Variants in CNTNAP4 observed in about 807,000 individuals in gnomAD.
The protein encoded by CNTNAP4 is contactin-associated protein-like 4.
CNTNAP4 carries 98 observed loss-of-function variants against 148.4 expected under a neutral mutation model. The ratio of observed to expected loss-of-function variants is 0.66; its 90% CI spans 0.56 to 0.78. The LOEUF (loss-of-function observed/expected upper bound fraction) is 0.78, where lower values mean the gene tolerates loss of function less well. Ranked by LOEUF, CNTNAP4 falls within the 30% of genes least tolerant of loss-of-function variation. CNTNAP4 has a pLI of 0.00. For missense variants in CNTNAP4, 1,935 were observed against 1,565.6 expected (o/e 1.24, Z -3.98); for synonymous variants, 730 against 565.1 (o/e 1.29, Z -4.14).
intron 1 of CNTNAP4, chr16:76,287,587 C>A (rs1958939576): frequency 6.6e-6 from 1 of 152,156 alleles, no homozygotes; most frequent in South Asian, 2.1e-4. Flanking sequence ...TCTGAGTTAG[C>A]AAAATCGAGC....
chr16:76,387,069 G>T (rs983976966), intron 3 of CNTNAP4, among the ~76,000 whole-genome samples: 2 of 152,112 alleles, frequency 1.3e-5, no homozygotes, highest in Non-Finnish European at 2.9e-5. Context: ...CATGCATCCT[G>T]CTGACATCTT....
intron 1 of CNTNAP4, among the ~76,000 whole-genome samples, chr16:76,304,555 G>T (rs933615094): frequency 2.0e-5 from 3 of 152,206 alleles, no homozygotes; most frequent in African/African-American, 7.2e-5. Context: ...GTGCATTGAA[G>T]GGAGGATTGG....
At chr16:76,403,601 G>A (rs952208294) in intron 3 of CNTNAP4, among the ~76,000 whole-genome samples, 2 of 152,168 alleles carry the variant, frequency 1.3e-5, no homozygotes. Context: ...GTTGGTAGGA[G>A]TCTAAATTAA....
At chr16:76,376,207 A>G (rs765038758) in intron 3 of CNTNAP4, among the ~76,000 whole-genome samples, 1 of 152,226 alleles carries the variant, frequency 6.6e-6, no homozygotes, top group African/African-American at 2.4e-5. Flanking sequence ...AATACAACTC[A>G]TGCAAAATTA....
chr16:76,343,838 G>T (rs1964689907), intron 2 of CNTNAP4, among the ~76,000 whole-genome samples: 1 of 152,048 alleles, frequency 6.6e-6, no homozygotes. Context: ...CCCGGCAAAA[G>T]TAATGGTAAT....
chr16:76,506,722 C>T lies in CNTNAP4; in HGVS notation c.2365+8028C>T, dbSNP rs192498677. The stretch of plus-strand genomic sequence containing the variant: ...CAGACCTCAAATGATCTGCCCACCT[C>T]GGCCTCCCACAGTGCTAGGACTACA... On this transcript the variant is annotated intron_variant, in intron 15 of 23. Coordinates refer to ENST00000611870, the MANE Select transcript of CNTNAP4 (RefSeq NM_033401.5). Among the ~76,000 whole-genome samples the T allele has an allele frequency of 9.8e-3, 920 of 94,188 alleles. 347 individuals are homozygous for T. The highest frequency in any genetic ancestry group is 0.023 in the Non-Finnish European group (756 of 33,194). The allele number at this position is 94,188 out of a possible 152,430, so 61.8% of individuals were successfully genotyped here. A position where few individuals can be genotyped will look rare whatever the true frequency, so the allele number is the denominator to read the frequency against.
At chr16:76,324,577 T>C (rs1962768476) in intron 2 of CNTNAP4, among the ~76,000 whole-genome samples, 1 of 152,184 alleles carries the variant, frequency 6.6e-6, no homozygotes, top group South Asian at 2.1e-4. Context: ...CTCTGAGGGA[T>C]AAATTTTACC....
intron 1 of CNTNAP4, among the ~76,000 whole-genome samples, chr16:76,310,201 C>T (rs973817252): frequency 5.3e-5 from 8 of 152,044 alleles, no homozygotes; most frequent in African/African-American, 1.9e-4. Flanking sequence ...GGTTGTGTGT[C>T]ATGGTAGGGC....
At chr16:76,285,770 T>C (rs1462201719) in intron 1 of CNTNAP4, among the ~76,000 whole-genome samples, 1 of 152,124 alleles carries the variant, frequency 6.6e-6, no homozygotes, top group Admixed American at 6.6e-5. Flanking sequence ...GAAGTATTTT[T>C]TTCAATGTCC....
In CNTNAP4 at chr16:76,560,234, A is replaced by T. The variant is rs1332449556; in HGVS notation, c.*1551A>T. Among the ~76,000 whole-genome samples, 1 of 152,188 alleles carries T rather than the reference A, an allele frequency of 6.6e-6. No homozygotes were observed. Among genetic ancestry groups the T allele is most frequent in the East Asian group, 1.9e-4 (1 of 5,198 alleles). On this transcript the variant is annotated 3_prime_UTR_variant, in exon 24 of 24. Coordinates refer to ENST00000611870, the MANE Select transcript of CNTNAP4 (RefSeq NM_033401.5). ...TTGTCTACACCAGAAGAATCGGGAA[A>T]TATGTAAATTTAGCATTACTATCAT...
At chr16:76,325,309 C>T (rs1159640399) in intron 2 of CNTNAP4, among the ~76,000 whole-genome samples, 1 of 152,010 alleles carries the variant, frequency 6.6e-6, no homozygotes, top group Non-Finnish European at 1.5e-5. Flanking sequence ...TTTATATACT[C>T]TGTGTAGTTA....
intron 21 of CNTNAP4, among the ~76,000 whole-genome samples, chr16:76,549,579 C>G (rs2084877707): frequency 6.6e-6 from 1 of 152,064 alleles, no homozygotes; most frequent in African/African-American, 2.4e-5. Flanking sequence ...TTCAAGGAGA[C>G]AGACAACAAC....
intron 1 of CNTNAP4, among the ~76,000 whole-genome samples, chr16:76,307,352 C>T (rs551371833): frequency 6.6e-6 from 1 of 151,726 alleles, no homozygotes; most frequent in Middle Eastern, 3.2e-3. Context: ...CTTAGTAAAT[C>T]AGCAAACCTT....
intron 12 of CNTNAP4, among the ~76,000 whole-genome samples, chr16:76,481,664 A>G (rs2081834353): frequency 6.6e-6 from 1 of 152,206 alleles, no homozygotes; most frequent in Non-Finnish European, 1.5e-5. Flanking sequence ...AGAAGTCAAT[A>G]TTTTATGGAG....
At chr16:76,521,345 C>T in intron 16 of CNTNAP4, 35 bp downstream of exon 16, 1 of 1,535,492 alleles carries the variant, frequency 6.5e-7, no homozygotes, top group Non-Finnish European at 8.8e-7. Flanking sequence ...GTATGAGATT[C>T]TATCATTTAG....
chr16:76,364,141 G>A (rs932428267), intron 3 of CNTNAP4, among the ~76,000 whole-genome samples: 16 of 145,030 alleles, frequency 1.1e-4, no homozygotes, highest in African/African-American at 4.1e-4. Flanking sequence ...GGAGGTTGAG[G>A]CATGAGAATC....
At chr16:76,400,949 T>C (rs1253471721) in intron 3 of CNTNAP4, among the ~76,000 whole-genome samples, 3 of 152,190 alleles carry the variant, frequency 2.0e-5, no homozygotes, top group African/African-American at 7.2e-5. Context: ...AGCACTGTAG[T>C]ACAGTTTGAA....
intron 1 of CNTNAP4, among the ~76,000 whole-genome samples, chr16:76,287,971 A>G (rs1379462114): frequency 3.9e-5 from 6 of 152,090 alleles, no homozygotes; most frequent in African/African-American, 1.4e-4. Flanking sequence ...GTACTTGCTG[A>G]TCTTTCCACT....
chr16:76,285,566 A>T (rs11866660), intron 1 of CNTNAP4, among the ~76,000 whole-genome samples: 11,155 of 152,074 alleles, frequency 0.073, 1,427 homozygotes, highest in African/African-American at 0.25. Context: ...AAGACATATT[A>T]GTTTCTGTAA....
Sources: allele counts gnomAD v4.1 joint callset (sites outside exome capture counted in the v4.1 genomes callset), GRCh38; gene constraint gnomAD v4.1.1; transcripts MANE v1.5; gene names NCBI Gene and HGNC (gene_info 2026-07-23, HGNC 2026-07-21).